The following RBFOX1 variants were observed in gnomAD, a reference collection of about 807,000 sequenced individuals.
RBFOX1 encodes RNA binding protein fox-1 homolog 1.
A neutral mutation model predicts 57.7 loss-of-function variants in RBFOX1; 8 were observed. That is an observed-to-expected ratio of 0.14 (90% CI 0.08 to 0.25). The LOEUF is 0.25. RBFOX1 is among the 10% of genes least tolerant of loss of function. RBFOX1 has a pLI of 1.00. For missense variants in RBFOX1, 611 were observed against 548.5 expected (o/e 1.11, Z -1.14); for synonymous variants, 326 against 222.4 (o/e 1.47, Z -4.15).
intron 3 of RBFOX1, among the ~76,000 whole-genome samples, chr16:5,859,770 A>T (rs1299296193): frequency 6.6e-6 from 1 of 152,256 alleles, no homozygotes; most frequent in Non-Finnish European, 1.5e-5. Flanking sequence ...CAGAGAGGCT[A>T]AGTCACTTGT....
intron 3 of RBFOX1, among the ~76,000 whole-genome samples, chr16:5,641,598 G>A (rs574205523): frequency 6.6e-6 from 1 of 152,196 alleles, no homozygotes; most frequent in Non-Finnish European, 1.5e-5. Flanking sequence ...GATATGAATG[G>A]CACCCCTTTT....
chr16:6,772,108 C>T (rs1031715206), intron 3 of RBFOX1, among the ~76,000 whole-genome samples: 1 of 152,146 alleles, frequency 6.6e-6, no homozygotes, highest in Non-Finnish European at 1.5e-5. Flanking sequence ...GAACAGTCTT[C>T]CTTTCAATGC....
At chr16:7,106,837 C>T (rs1172074125) in intron 4 of RBFOX1, among the ~76,000 whole-genome samples, 1 of 151,968 alleles carries the variant, frequency 6.6e-6, no homozygotes, top group Non-Finnish European at 1.5e-5. Flanking sequence ...GATACACAAG[C>T]AAACAAAATA....
At chr16:7,527,807 C>T (rs891231622) in intron 5 of RBFOX1, among the ~76,000 whole-genome samples, 1 of 152,108 alleles carries the variant, frequency 6.6e-6, no homozygotes, top group Non-Finnish European at 1.5e-5. Flanking sequence ...TTACAGTACC[C>T]ATAATGAGAA....
intron 4 of RBFOX1, among the ~76,000 whole-genome samples, chr16:7,491,807 A>G (rs923256325): frequency 6.6e-6 from 1 of 152,138 alleles, no homozygotes; most frequent in Non-Finnish European, 1.5e-5. Flanking sequence ...ATTAATATAT[A>G]TATATTTAAA....
At chr16:6,014,311 A>G (rs1482757443), upstream of RBFOX1, among the ~76,000 whole-genome samples, 1 of 152,144 alleles carries the variant, frequency 6.6e-6, no homozygotes, top group Non-Finnish European at 1.5e-5. Context: ...TAAGGGGATG[A>G]AGGCAGGAGA....
chr16:5,984,253 G>T (rs923883127), intron 4 of RBFOX1, among the ~76,000 whole-genome samples: 1 of 139,624 alleles, frequency 7.2e-6, no homozygotes, highest in Admixed American at 7.6e-5. Flanking sequence ...AGCAATAAAA[G>T]TCCCTATTTC....
intron 4 of RBFOX1, among the ~76,000 whole-genome samples, chr16:7,487,667 A>G (rs1320126071): frequency 6.6e-6 from 1 of 152,096 alleles, no homozygotes; most frequent in Non-Finnish European, 1.5e-5. Context: ...ACCGAGCACC[A>G]CACGCACAGA....
chr16:6,996,154 A>C (rs566399606), intron 3 of RBFOX1, among the ~76,000 whole-genome samples: 1 of 152,202 alleles, frequency 6.6e-6, no homozygotes, highest in East Asian at 1.9e-4. Flanking sequence ...AAACTTGGTC[A>C]TCTGAAATAA....
chr16:7,377,273 C>T (rs1019506072), intron 4 of RBFOX1, among the ~76,000 whole-genome samples: 1 of 152,192 alleles, frequency 6.6e-6, no homozygotes, highest in South Asian at 2.1e-4. Flanking sequence ...GCTCCTGGAG[C>T]AGATGATACT....
chr16:7,200,920 T>A (rs1294284606), intron 4 of RBFOX1, among the ~76,000 whole-genome samples: 5 of 152,104 alleles, frequency 3.3e-5, no homozygotes, highest in Non-Finnish European at 7.4e-5. Context: ...AATAAAAAAG[T>A]GAATGAGGCA....
chr16:7,379,511 T>G (rs941465082), intron 4 of RBFOX1, among the ~76,000 whole-genome samples: 3 of 152,176 alleles, frequency 2.0e-5, no homozygotes, highest in African/African-American at 7.2e-5. Context: ...ACTAAAAAAT[T>G]TAAAATACAC....
intron 3 of RBFOX1, among the ~76,000 whole-genome samples, chr16:6,676,648 T>A (rs554994762): frequency 5.3e-5 from 8 of 151,180 alleles, no homozygotes; most frequent in African/African-American, 1.9e-4. Context: ...CTTACTTTCT[T>A]TTTTTTTCTT....
At chr16:6,066,395 G>A (rs17192650) in intron 1 of RBFOX1, among the ~76,000 whole-genome samples, 45,676 of 150,338 alleles carry the variant, frequency 0.3, 8,129 homozygotes, top group Non-Finnish European at 0.4. Context: ...TTCTAAGACT[G>A]CAGAGCATCA....
chr16:5,757,989 T>G lies in RBFOX1; in HGVS notation c.319-109314T>G, dbSNP rs1356100221. 2.0e-5 allele frequency among the ~76,000 whole-genome samples: 3 copies of G among 152,352 alleles called. No individual in the cohort carries two copies. In the East Asian group the frequency reaches 5.8e-4, roughly 29 times the overall value. On this transcript the variant is annotated intron_variant, in intron 3 of 19. Coordinates refer to the RBFOX1 transcript ENST00000641259. The stretch of plus-strand genomic sequence containing the variant: ...TTCTGTACTGGTCAGCCATCACCTC[T>G]GCCTGTGGCACTGAGCTTCCCAGAA...
chr16:7,337,134 C>T (rs1416141204), intron 4 of RBFOX1, among the ~76,000 whole-genome samples: 4 of 152,122 alleles, frequency 2.6e-5, no homozygotes, highest in Admixed American at 1.3e-4. Flanking sequence ...CTAAAACCTA[C>T]ACTTAGACAA....
intron 4 of RBFOX1, among the ~76,000 whole-genome samples, chr16:5,989,317 C>G (rs779307432): frequency 6.6e-6 from 1 of 151,894 alleles, no homozygotes; most frequent in African/African-American, 2.4e-5. Flanking sequence ...GGTGACAGAG[C>G]AAGACTCTGT....
intron 12 of RBFOX1, among the ~76,000 whole-genome samples, chr16:7,654,652 T>A (rs1456754004): frequency 2.0e-5 from 3 of 150,706 alleles, no homozygotes; most frequent in African/African-American, 4.9e-5. Context: ...AAAAAAAAAA[T>A]GATACTGGTG....
In RBFOX1 at chr16:7,489,822, A is replaced by C. The variant is rs192980584; in HGVS notation, c.28-28325A>C. On this transcript the variant is annotated intron_variant, in intron 4 of 15. Coordinates refer to ENST00000550418, the MANE Select transcript of RBFOX1 (RefSeq NM_018723.4). ...AGGTGTGAGCCACCACGCCCAGCTA[A>C]GTTATGCATATTATCTTTAATCCAC... 3.0e-3 allele frequency among the ~76,000 whole-genome samples: 454 copies of C among 152,116 alleles called. 7 individuals carry two copies. The highest frequency in any genetic ancestry group is 8.4e-4 in the Non-Finnish European group (57 of 67,994).
Sources: gnomAD v4.1 joint callset for allele counts (sites outside exome capture counted in the v4.1 genomes callset) on GRCh38, gnomAD v4.1.1 for gene constraint, MANE v1.5 for transcripts, NCBI Gene and HGNC (gene_info 2026-07-23, HGNC 2026-07-21) for gene names.